TSPAN14: variants seen among roughly 807,000 people sequenced by gnomAD.
TSPAN14 encodes the protein tetraspanin-14.
In TSPAN14, 16 loss-of-function variants were observed where a neutral mutation model predicts 36.6. The observed-to-expected ratio is 0.44, with a 90% CI of 0.30 to 0.66. The LOEUF (loss-of-function observed/expected upper bound fraction) is 0.66. Among genes scored for constraint, TSPAN14 ranks in the 30% least tolerant of loss-of-function variants. The pLI, the probability that TSPAN14 is intolerant of heterozygous loss-of-function variation, is 0.12. For synonymous variants in TSPAN14, 139 were observed against 143.8 expected (o/e 0.97, Z 0.24); for missense variants, 231 against 355.1 (o/e 0.65, Z 2.81).
intron 6 of TSPAN14, 49 bp from the exon 7 acceptor site, chr10:80,513,970 C>T: frequency 1.9e-6 from 3 of 1,573,368 alleles, no homozygotes; most frequent in Non-Finnish European, 2.6e-6. Context: ...CTCTTAGCAC[C>T]AGCTTCTTGA....
exon 9 of TSPAN14, chr10:80,520,538 A>T: frequency 2.0e-6 from 1 of 491,256 alleles, no homozygotes; most frequent in East Asian, 5.5e-5. Flanking sequence ...CTCACCATGC[A>T]CATGCTAACT....
At chr10:80,516,084 G>A in intron 7 of TSPAN14, 120 bp from the exon 8 acceptor site, 1 of 1,494,960 alleles carries the variant, frequency 6.7e-7, no homozygotes, top group Non-Finnish European at 9.1e-7. Context: ...CTCCTTGCCT[G>A]CCTCCTGGAT....
intron 4 of TSPAN14, 37 bp downstream of exon 4, chr10:80,507,411 A>T: frequency 6.2e-7 from 1 of 1,613,890 alleles, no homozygotes; most frequent in Non-Finnish European, 8.5e-7. Flanking sequence ...GATAGGATGC[A>T]ATGGGGTACA....
At chr10:80,471,873 C>T (rs1846571308) in intron 1 of TSPAN14, among the ~76,000 whole-genome samples, 1 of 152,162 alleles carries the variant, frequency 6.6e-6, no homozygotes, top group Non-Finnish European at 1.5e-5. Context: ...CCTGATGAAT[C>T]ATTCTGAAAA....
intron 1 of TSPAN14, among the ~76,000 whole-genome samples, chr10:80,467,990 T>C (rs1234755982): frequency 6.6e-6 from 1 of 152,196 alleles, no homozygotes; most frequent in Non-Finnish European, 1.5e-5. Flanking sequence ...AAAAACAAAC[T>C]TGTTAAAAGT....
At chr10:80,521,025 G>C (rs1841243182) in exon 9 of TSPAN14, 1 of 337,188 alleles carries the variant, frequency 3.0e-6, no homozygotes, top group African/African-American at 2.1e-5. Context: ...CAAGAAGCCT[G>C]GCACTGGGTT....
chr10:80,521,022 C>T (rs967298819), exon 9 of TSPAN14: 2 of 341,470 alleles, frequency 5.9e-6, no homozygotes, highest in African/African-American at 4.3e-5. Flanking sequence ...CCACAAGAAG[C>T]CTGGCACTGG....
chr10:80,465,780 G>T (rs548741441), intron 1 of TSPAN14, among the ~76,000 whole-genome samples: 1 of 152,302 alleles, frequency 6.6e-6, no homozygotes, highest in Admixed American at 6.5e-5. Flanking sequence ...ACAGAGGCAG[G>T]ATTGGTTAAG....
chr10:80,516,432 G>GGGTATGGTATT (rs1840945342), intron 8 of TSPAN14, 109 bp downstream of exon 8: 28 of 1,504,976 alleles, frequency 1.9e-5, no homozygotes, highest in Non-Finnish European at 2.4e-5. Context: ...AAGGAAGCTT[G>GGGTATGGTATT]CAGAAGAAAA....
In TSPAN14 at chr10:80,503,826, G is replaced by A. The variant is rs576539984; in HGVS notation, c.82-902G>A. Reference sequence around the variant, plus strand: ...GAGAAGCGTGGTCCTGTTATTTATCGTGAGATGGTGATAAATGGCAGTGAA... The same window carrying A: ...GAGAAGCGTGGTCCTGTTATTTATCATGAGATGGTGATAAATGGCAGTGAA... On this transcript the variant is annotated intron_variant, in intron 2 of 8. Coordinates refer to ENST00000429989, the Ensembl canonical transcript of TSPAN14. Among the ~76,000 whole-genome samples, 26 of 152,242 alleles carry A rather than the reference G, an allele frequency of 1.7e-4. No individual in the cohort carries two copies. The South Asian group carries it at 5.4e-3, about 32-fold the overall frequency.
intron 2 of TSPAN14, among the ~76,000 whole-genome samples, chr10:80,492,073 G>T (rs891143757): frequency 1.3e-5 from 2 of 152,180 alleles, no homozygotes; most frequent in African/African-American, 4.8e-5. Flanking sequence ...TGAGTGACCT[G>T]GCTAAGCCTC....
chr10:80,495,629 C>A (rs747687275), intron 2 of TSPAN14, among the ~76,000 whole-genome samples: 1 of 152,198 alleles, frequency 6.6e-6, no homozygotes, highest in Non-Finnish European at 1.5e-5. Flanking sequence ...CACGTACTTT[C>A]AAGTCTTAAG....
At chr10:80,481,130 A>G (rs1257326078) in intron 1 of TSPAN14, among the ~76,000 whole-genome samples, 1 of 152,072 alleles carries the variant, frequency 6.6e-6, no homozygotes, top group Non-Finnish European at 1.5e-5. Flanking sequence ...AGGTAGAAAA[A>G]AAATGTTTCA....
At chr10:80,473,681 A>G (rs72819584) in intron 1 of TSPAN14, among the ~76,000 whole-genome samples, 3,453 of 135,614 alleles carry the variant, frequency 0.025, 54 homozygotes, top group Middle Eastern at 0.045. Context: ...TGCCACCATG[A>G]TGGGTTTTTT....
intron 1 of TSPAN14, among the ~76,000 whole-genome samples, chr10:80,455,770 C>G (rs1350091314): frequency 6.6e-6 from 1 of 152,090 alleles, no homozygotes; most frequent in Non-Finnish European, 1.5e-5. Flanking sequence ...CCCTTCTATC[C>G]CCTTAGCTGC....
intron 1 of TSPAN14, among the ~76,000 whole-genome samples, chr10:80,465,082 C>T (rs1846168051): frequency 6.6e-6 from 1 of 152,192 alleles, no homozygotes; most frequent in South Asian, 2.1e-4. Flanking sequence ...GCCTGGAACA[C>T]CTCTGGGTAA....
chr10:80,504,692 C>A, intron 2 of TSPAN14, 36 bp from the exon 3 acceptor site: 1 of 1,613,796 alleles, frequency 6.2e-7, no homozygotes, highest in Non-Finnish European at 8.5e-7. Context: ...TGGTTTCCAA[C>A]CTAACTTCCT....
At chr10:80,495,814 T>C (rs1433518426) in intron 2 of TSPAN14, among the ~76,000 whole-genome samples, 1 of 152,248 alleles carries the variant, frequency 6.6e-6, no homozygotes, top group Non-Finnish European at 1.5e-5. Flanking sequence ...TCATTTCAAC[T>C]GTACAGTTCA....
At chr10:80,455,849 G>T (rs545047390) in intron 1 of TSPAN14, among the ~76,000 whole-genome samples, 2 of 152,064 alleles carry the variant, frequency 1.3e-5, no homozygotes, top group African/African-American at 4.8e-5. Context: ...AAAGCACAGG[G>T]ATTACAGGTG....
Sources: allele counts gnomAD v4.1 joint callset (sites outside exome capture counted in the v4.1 genomes callset), GRCh38; gene constraint gnomAD v4.1.1; transcripts MANE v1.5; gene names NCBI Gene and HGNC (gene_info 2026-07-23, HGNC 2026-07-21).